ABLIM2: variants seen among roughly 807,000 people sequenced by gnomAD.
ABLIM2 encodes actin binding LIM protein family member 2.
In ABLIM2, 53 loss-of-function variants were observed where a neutral mutation model predicts 97.7. The ratio of observed to expected loss-of-function variants is 0.54; its 90% CI spans 0.44 to 0.68. The LOEUF (loss-of-function observed/expected upper bound fraction) is 0.68. ABLIM2 is among the 30% of genes least tolerant of loss of function. The probability of loss-of-function intolerance (pLI) is 0.00; values close to 1 mark genes in which losing one functional copy is unlikely to be tolerated. For missense variants in ABLIM2, 835 were observed against 867.2 expected (o/e 0.96, Z 0.47); for synonymous variants, 361 against 345.8 (o/e 1.04, Z -0.49).
Position 8,149,409 on chromosome 4 carries a change from A to G in ABLIM2, c.10+9271T>C, listed in dbSNP as rs1325234930. Among the ~76,000 whole-genome samples, 35 of 152,006 alleles carry G rather than the reference A, an allele frequency of 2.3e-4. No homozygotes were observed. On this transcript the variant is annotated intron_variant, in intron 1 of 20. Coordinates refer to ENST00000447017, the MANE Select transcript of ABLIM2 (RefSeq NM_001130083.2). The surrounding 1 kb of genome is among the most constrained non-coding windows in gnomAD (Gnocchi z 6.4). ...CACCATCCAAGAGGAGGTATTTCAG[A>G]GAGGGCAGGTCCCAGCTCCAGGCTG...
At position 8,132,053 on chromosome 4, in the gene ABLIM2, G is replaced by C. The variant is rs1410227299; in HGVS notation, c.11-25416C>G. 6.6e-6 allele frequency among the ~76,000 whole-genome samples: 1 copy of C among 150,442 alleles called. No individual in the cohort carries two copies. The highest frequency in any genetic ancestry group is 2.1e-4 in the South Asian group (1 of 4,822). ...CTGCATCCCCGAGCACAGCTGTGCC[G>C]GCCGAGCTCAGGCCTCGGGGTGCCT... On this transcript the variant is annotated intron_variant, in intron 1 of 20. Coordinates refer to ENST00000447017, the MANE Select transcript of ABLIM2 (RefSeq NM_001130083.2). This position sits in a 1 kb window ranked among gnomAD's most constrained non-coding sequence, Gnocchi z 8.0.
intron 2 of ABLIM2, among the ~76,000 whole-genome samples, chr4:8,099,530 A>G (rs998298266): frequency 6.6e-6 from 1 of 152,092 alleles, no homozygotes; most frequent in East Asian, 1.9e-4. Flanking sequence ...GAGTATGCCA[A>G]GGTCACCACA....
intron 1 of ABLIM2, among the ~76,000 whole-genome samples, chr4:8,121,873 C>T (rs1251442634): frequency 6.6e-6 from 1 of 152,182 alleles, no homozygotes; most frequent in African/African-American, 2.4e-5. Flanking sequence ...AGGGACTGCA[C>T]TCAGCACCTC....
rs1291796493 is a variant in ABLIM2 at position 8,044,310 on chromosome 4, CAGTCCCGG to C, written c.900+846_900+853del. Among the ~76,000 whole-genome samples, 2 of 152,102 alleles carry C rather than the reference CAGTCCCGG, an allele frequency of 1.3e-5. No homozygotes were observed. Among genetic ancestry groups the C allele is most frequent in the African/African-American group, 4.8e-5 (2 of 41,416 alleles). ...TCTGGTGCAGGGGCAGCCTACATGG[CAGTCCCGG>C]GTGACCCCTGGCCACCACCGCATAA... On this transcript the variant is annotated intron_variant, in intron 9 of 20. Transcript: ENST00000447017. This position sits in a 1 kb window ranked among gnomAD's most constrained non-coding sequence, Gnocchi z 4.4.
In ABLIM2 at chr4:8,120,751, G is replaced by A. The variant is rs1845046310; in HGVS notation, c.11-14114C>T. 6.6e-6 allele frequency among the ~76,000 whole-genome samples: 1 copy of A among 152,172 alleles called. No individual in the cohort carries two copies. The highest frequency in any genetic ancestry group is 1.5e-5 in the Non-Finnish European group (1 of 68,028). On this transcript the variant is annotated intron_variant, in intron 1 of 20. Transcript: ENST00000447017. The surrounding 1 kb of genome is among the most constrained non-coding windows in gnomAD (Gnocchi z 5.6). ...CGGGGCAAGCTCGTGACATCACTAAGTTGAGACTTCACTGACTTCACCTAA... is the reference window on the plus strand; with the variant it reads ...CGGGGCAAGCTCGTGACATCACTAAATTGAGACTTCACTGACTTCACCTAA...
intron 1 of ABLIM2, among the ~76,000 whole-genome samples, chr4:8,115,292 C>A (rs1842324983): frequency 6.6e-6 from 1 of 152,170 alleles, no homozygotes; most frequent in South Asian, 2.1e-4. Context: ...AGCCAAACTC[C>A]TCTTTCTGTC....
At chr4:7,980,002 T>C (rs376384363) in intron 20 of ABLIM2, among the ~76,000 whole-genome samples, 3 of 152,116 alleles carry the variant, frequency 2.0e-5, no homozygotes, top group Non-Finnish European at 4.4e-5. Context: ...AGTCAAAAGA[T>C]AGAAGGAAGG....
intron 19 of ABLIM2, 89 bp downstream of exon 19, chr4:7,983,458 A>G (rs1740612365): frequency 6.3e-7 from 1 of 1,590,674 alleles, no homozygotes; most frequent in Non-Finnish European, 8.6e-7. Flanking sequence ...TGACACACAC[A>G]TTTCATAGGT....
chr4:7,994,858 C>T (rs1752133400), intron 16 of ABLIM2, among the ~76,000 whole-genome samples: 1 of 116,546 alleles, frequency 8.6e-6, no homozygotes, highest in African/African-American at 2.7e-5. Flanking sequence ...TTCTGCACAG[C>T]AAAAGAAACT....
intron 14 of ABLIM2, among the ~76,000 whole-genome samples, chr4:8,016,886 G>A (rs1201462928): frequency 2.0e-5 from 3 of 152,244 alleles, no homozygotes; most frequent in Non-Finnish European, 2.9e-5. Flanking sequence ...TTGCTAAGAA[G>A]AGCTTCCCTT....
At chr4:8,119,924 T>C (rs998153204) in intron 1 of ABLIM2, among the ~76,000 whole-genome samples, 8 of 151,980 alleles carry the variant, frequency 5.3e-5, no homozygotes, top group Non-Finnish European at 7.4e-5. Flanking sequence ...AGATCTGGGG[T>C]GCGTGCTCAA....
At position 8,003,726 on chromosome 4, in the gene ABLIM2, T is replaced by C. The variant is rs576988454; in HGVS notation, c.1618+4333A>G. Among the ~76,000 whole-genome samples the C allele has an allele frequency of 8.7e-4, 133 of 152,196 alleles. No homozygotes were observed. The highest frequency in any genetic ancestry group is 3.0e-3 in the African/African-American group (126 of 41,540). Reference sequence around the variant, plus strand: ...GATTACAGGTATCCTCCACCATGCCTGGCTGATTTTTTGTGTTTAGTAGAG... The same window carrying C: ...GATTACAGGTATCCTCCACCATGCCCGGCTGATTTTTTGTGTTTAGTAGAG... On this transcript the variant is annotated intron_variant, in intron 16 of 20. Transcript: ENST00000447017. The surrounding 1 kb of genome is among the most constrained non-coding windows in gnomAD (Gnocchi z 4.2).
At chr4:8,108,741 C>G (rs1396656104) in intron 1 of ABLIM2, among the ~76,000 whole-genome samples, 1 of 152,260 alleles carries the variant, frequency 6.6e-6, no homozygotes, top group Admixed American at 6.5e-5. Context: ...CATCCTTTCC[C>G]CTCAGAGGCT....
Position 8,058,100 on chromosome 4 carries a change from G to A in ABLIM2, c.763+2867C>T, listed in dbSNP as rs1008982878. ...TGAAGGGCGCCTTTGTTCCTGAGAT[G>A]AGGTTACCCTTGATGTGAACTCGTG... On this transcript the variant is annotated intron_variant, in intron 7 of 20. Coordinates refer to ENST00000447017, the MANE Select transcript of ABLIM2 (RefSeq NM_001130083.2). This position sits in a 1 kb window ranked among gnomAD's most constrained non-coding sequence, Gnocchi z 4.2. Among the ~76,000 whole-genome samples, 2 of 152,252 alleles carry A rather than the reference G, an allele frequency of 1.3e-5. No homozygotes were observed. The highest frequency in any genetic ancestry group is 2.1e-4 in the South Asian group (1 of 4,832).
At chr4:8,020,452 G>A in intron 12 of ABLIM2, 149 bp from the exon 13 acceptor site, 1 of 750,832 alleles carries the variant, frequency 1.3e-6, no homozygotes, top group Non-Finnish European at 2.3e-6. Context: ...GAAGGAGTGT[G>A]GGCCTCATCC....
chr4:8,079,167 T>C (rs1463526206), intron 5 of ABLIM2, among the ~76,000 whole-genome samples: 1 of 152,166 alleles, frequency 6.6e-6, no homozygotes, highest in Non-Finnish European at 1.5e-5. Context: ...CTTCCTTCCA[T>C]GTGAGGGGGA....
chr4:8,053,806 C>A (rs1393576305), intron 8 of ABLIM2, among the ~76,000 whole-genome samples: 1 of 151,998 alleles, frequency 6.6e-6, no homozygotes, highest in Admixed American at 6.6e-5. Context: ...GGGAGTTTGG[C>A]CCCTTTTTCC....
chr4:8,077,443 G>C lies in ABLIM2; in HGVS notation c.675+185C>G, dbSNP rs187663334. ...ATCACAAGGCAGGCTTCCTGGAGGA[G>C]GTGGCACTGGGCAGGCCCTGGACAG... On this transcript the variant is annotated intron_variant, in intron 6 of 20. Transcript: ENST00000447017. 1.4e-3 allele frequency among the ~76,000 whole-genome samples: 208 copies of C among 152,356 alleles called. 1 individual carries two copies. The highest frequency in any genetic ancestry group is 4.1e-3 in the African/African-American group (171 of 41,584).
At chr4:8,100,116 T>C (rs1015475057) in intron 2 of ABLIM2, among the ~76,000 whole-genome samples, 2 of 152,092 alleles carry the variant, frequency 1.3e-5, no homozygotes, top group Admixed American at 1.3e-4. Context: ...TGAATCAACA[T>C]CACTTTCTGG....
Sources: gnomAD v4.1 joint callset for allele counts (sites outside exome capture counted in the v4.1 genomes callset) on GRCh38, gnomAD v4.1.1 for gene constraint, Gnocchi (gnomAD v3.1) non-coding constraint, MANE v1.5 for transcripts, NCBI Gene and HGNC (gene_info 2026-07-23, HGNC 2026-07-21) for gene names.